VTI1A: variants seen among roughly 807,000 people sequenced by gnomAD.
VTI1A encodes the protein vesicle transport through interaction with t-SNAREs 1A.
VTI1A carries 22 observed loss-of-function variants against 34.9 expected under a neutral mutation model. The ratio of observed to expected loss-of-function variants is 0.63; its 90% CI spans 0.45 to 0.90. The LOEUF is 0.90. VTI1A is among the 40% of genes least tolerant of loss of function. VTI1A has a pLI of 0.00. For synonymous variants in VTI1A, 87 were observed against 97.3 expected, an observed-to-expected ratio of 0.89 and a Z score of 0.62; for missense variants, 268 against 275.6, an observed-to-expected ratio of 0.97 and a Z score of 0.20.
chr10:112,714,819 G>A (rs1019843984), intron 7 of VTI1A, among the ~76,000 whole-genome samples: 5 of 152,176 alleles, frequency 3.3e-5, no homozygotes, highest in Non-Finnish European at 5.9e-5. Flanking sequence ...CATTATATTA[G>A]CAGATAACAT....
chr10:112,447,024 G>T, upstream of VTI1A: 1 of 283,994 alleles, frequency 3.5e-6, no homozygotes, highest in South Asian at 6.4e-5. Context: ...TGGATCCGGA[G>T]CCGATTCCCA....
chr10:112,740,354 A>G (rs879444505), intron 7 of VTI1A, among the ~76,000 whole-genome samples: 2 of 152,068 alleles, frequency 1.3e-5, no homozygotes, highest in Admixed American at 1.3e-4. Flanking sequence ...CAGTGGTGCA[A>G]TCTCGGCACA....
chr10:112,815,321 C>G lies in VTI1A; in HGVS notation c.592C>G (p.Leu198Val), dbSNP rs1212114541. 2.5e-6 allele frequency: 4 copies of G among 1,613,854 alleles called. No homozygotes were observed. In the Admixed American group the frequency reaches 6.7e-5, roughly 27 times the overall value. Residue 198 changes from leucine (L) to valine (V), a missense_variant, in exon 8 of 8, where the codon CTA (leucine) becomes GTA (valine). By Grantham distance (32) the Leu-to-Val change is conservative. Coordinates refer to ENST00000393077, the MANE Select transcript of VTI1A (RefSeq NM_145206.4). ...IIQNRILLVI[L>V]GIIVVITILM... Reference sequence around the variant, plus strand: ...CCAGAACCGCATCCTGCTCGTCATCCTAGGGATCATCGTGGTCATCACCAT... The same window carrying G: ...CCAGAACCGCATCCTGCTCGTCATCGTAGGGATCATCGTGGTCATCACCAT...
the VTI1A span, among the ~76,000 whole-genome samples, chr10:112,830,849 A>ATATATATATATATATATACATAT: frequency 3.0e-5 from 1 of 33,512 alleles, no homozygotes; most frequent in Non-Finnish European, 4.9e-5. Context: ...ATATATATAT[A>ATATATATATATATATATACATAT]TTTTTTTTTT....
At chr10:112,502,295 A>G (rs749645419) in intron 3 of VTI1A, among the ~76,000 whole-genome samples, 3 of 151,922 alleles carry the variant, frequency 2.0e-5, no homozygotes, top group Non-Finnish European at 4.4e-5. Flanking sequence ...TGTCCTCCCA[A>G]AGTGTTGAGA....
At chr10:112,727,090 G>A (rs1262911457) in intron 7 of VTI1A, among the ~76,000 whole-genome samples, 1 of 152,198 alleles carries the variant, frequency 6.6e-6, no homozygotes, top group Non-Finnish European at 1.5e-5. Context: ...GTGCTGATGA[G>A]TTCACAAGGT....
At chr10:112,749,540 A>G (rs536308982) in intron 7 of VTI1A, among the ~76,000 whole-genome samples, 60 of 152,330 alleles carry the variant, frequency 3.9e-4, no homozygotes, top group African/African-American at 1.4e-3. Context: ...GTGGCCCTTG[A>G]TGAAAGGAGT....
At position 112,479,657 on chromosome 10, in the gene VTI1A, C is replaced by T. The variant is rs1046139649; in HGVS notation, c.264+15000C>T. ...CCATTAACAGTGCAGTTTCACCCCCCACCTTCCCGTAACTCATCCCATTCA... is the reference window on the plus strand; with the variant it reads ...CCATTAACAGTGCAGTTTCACCCCCTACCTTCCCGTAACTCATCCCATTCA... On this transcript the variant is annotated intron_variant, in intron 3 of 7. Coordinates refer to ENST00000393077, the MANE Select transcript of VTI1A (RefSeq NM_145206.4). Among the ~76,000 whole-genome samples, 3 of 152,308 alleles carry T rather than the reference C, an allele frequency of 2.0e-5. No individual in the cohort carries two copies. The East Asian group carries it at 5.8e-4, about 29-fold the overall frequency.
chr10:112,547,389 C>G (rs929891067), intron 5 of VTI1A, among the ~76,000 whole-genome samples: 1 of 151,960 alleles, frequency 6.6e-6, no homozygotes, highest in Non-Finnish European at 1.5e-5. Flanking sequence ...CCAGCCTGAC[C>G]AACATGGTGA....
intron 3 of VTI1A, among the ~76,000 whole-genome samples, chr10:112,508,131 T>C (rs550397111): frequency 8.5e-5 from 13 of 152,328 alleles, no homozygotes; most frequent in African/African-American, 3.1e-4. Context: ...TAGCCCTGCC[T>C]CTTCTGCTTC....
intron 3 of VTI1A, among the ~76,000 whole-genome samples, chr10:112,496,520 G>A (rs187146879): frequency 4.3e-4 from 65 of 152,044 alleles, no homozygotes; most frequent in Admixed American, 1.2e-3. Context: ...GCAGTGAACC[G>A]AGATCGGGCC....
rs1284708554 is a variant in VTI1A at position 112,774,811 on chromosome 10, T to C, written c.561-40479T>C. On this transcript the variant is annotated intron_variant, in intron 7 of 7. Coordinates refer to ENST00000393077, the MANE Select transcript of VTI1A (RefSeq NM_145206.4). ...ATTAGCAGTCCCAGAATGAAACAGATTTCGTGTGTGTGCACGGAGAAGCCC... is the reference window on the plus strand; with the variant it reads ...ATTAGCAGTCCCAGAATGAAACAGACTTCGTGTGTGTGCACGGAGAAGCCC... Among the ~76,000 whole-genome samples the C allele has an allele frequency of 2.0e-5, 3 of 152,090 alleles. No individual in the cohort carries two copies. The East Asian group carries it at 5.8e-4, about 29-fold the overall frequency.
chr10:112,717,188 C>T (rs1257278328), intron 7 of VTI1A, among the ~76,000 whole-genome samples: 9 of 152,208 alleles, frequency 5.9e-5, no homozygotes, highest in Non-Finnish European at 2.9e-5. Context: ...ATTTACAAGG[C>T]GTCTTTGCCC....
chr10:112,846,537 C>T, the VTI1A span, among the ~76,000 whole-genome samples: 7 of 152,136 alleles, frequency 4.6e-5, no homozygotes, highest in Non-Finnish European at 7.3e-5. Context: ...GAGGCTGAGG[C>T]GGGCTGATCA....
intron 7 of VTI1A, chr10:112,737,786 T>C (rs978136078): frequency 9.4e-7 from 1 of 1,059,316 alleles, no homozygotes. Context: ...AAAAAAAAAT[T>C]ACAAATTGAT....
chr10:112,488,587 A>G (rs1848722042), intron 3 of VTI1A, among the ~76,000 whole-genome samples: 1 of 152,170 alleles, frequency 6.6e-6, no homozygotes, highest in Non-Finnish European at 1.5e-5. Context: ...TTGATTCTGT[A>G]TTCAGCGTTA....
intron 7 of VTI1A, among the ~76,000 whole-genome samples, chr10:112,702,180 G>A (rs1028167585): frequency 6.6e-5 from 10 of 152,220 alleles, no homozygotes; most frequent in African/African-American, 2.2e-4. Flanking sequence ...ATCTAACTTC[G>A]TGACCTGGGG....
At chr10:112,551,360 C>T (rs1345495167) in intron 5 of VTI1A, among the ~76,000 whole-genome samples, 2 of 147,312 alleles carry the variant, frequency 1.4e-5, no homozygotes, top group African/African-American at 5.0e-5. Context: ...GGAACCTTAA[C>T]ATTTTGTTCA....
At position 112,481,546 on chromosome 10, in the gene VTI1A, T is replaced by C. The variant is rs1267054263; in HGVS notation, c.264+16889T>C. 5.3e-5 allele frequency among the ~76,000 whole-genome samples: 8 copies of C among 152,342 alleles called. No homozygotes were observed. In the East Asian group the frequency reaches 1.2e-3, roughly 22 times the overall value. On this transcript the variant is annotated intron_variant, in intron 3 of 7. Transcript: ENST00000393077. ...GGGAAATATGGTTATAAAAGTCTTG[T>C]ATATGTATGTTGTTTCTGCATTTAG...
Sources: allele counts gnomAD v4.1 joint callset (sites outside exome capture counted in the v4.1 genomes callset), GRCh38; gene constraint gnomAD v4.1.1; transcripts MANE v1.5; gene names NCBI Gene and HGNC (gene_info 2026-07-23, HGNC 2026-07-21).